ELMO1: variants seen among roughly 807,000 people sequenced by gnomAD.
The protein encoded by ELMO1 is engulfment and cell motility protein 1.
In ELMO1, 26 loss-of-function variants were observed where a neutral mutation model predicts 98.9. The observed-to-expected ratio is 0.26, with a 90% CI of 0.19 to 0.36. The LOEUF (loss-of-function observed/expected upper bound fraction) is 0.36. Among genes scored for constraint, ELMO1 ranks in the 10% least tolerant of loss-of-function variants. ELMO1 has a pLI of 1.00. For synonymous variants in ELMO1, 346 were observed against 346.0 expected, an observed-to-expected ratio of 1.00 and a Z score of 0.00; for missense variants, 627 against 935.2, an observed-to-expected ratio of 0.67 and a Z score of 4.30.
At chr7:36,888,507 C>T (rs1463664635) in intron 17 of ELMO1, among the ~76,000 whole-genome samples, 1 of 152,172 alleles carries the variant, frequency 6.6e-6, no homozygotes, top group African/African-American at 2.4e-5. Context: ...CATAGATCTA[C>T]AAGTCAGAAG....
At chr7:37,219,042 C>T (rs954007915) in intron 10 of ELMO1, among the ~76,000 whole-genome samples, 10 of 152,184 alleles carry the variant, frequency 6.6e-5, no homozygotes, top group South Asian at 2.1e-4. Flanking sequence ...TCCATTTGCC[C>T]GCCTAACAGC....
chr7:37,419,685 A>T (rs1425064825), intron 1 of ELMO1: 1 of 153,080 alleles, frequency 6.5e-6, no homozygotes, highest in Non-Finnish European at 1.5e-5. Flanking sequence ...GAGAAAGAGG[A>T]AGCAGAGTAA....
chr7:37,273,898 A>G (rs964816874), intron 4 of ELMO1, among the ~76,000 whole-genome samples: 1 of 152,128 alleles, frequency 6.6e-6, no homozygotes, highest in Non-Finnish European at 1.5e-5. Flanking sequence ...TGGACAATGA[A>G]TTTTCTAAAA....
chr7:37,346,160 A>T (rs1424665025), intron 1 of ELMO1, among the ~76,000 whole-genome samples: 3 of 152,164 alleles, frequency 2.0e-5, no homozygotes, highest in Admixed American at 1.3e-4. Context: ...GTGCAAGAAC[A>T]GTAAGTGAAT....
chr7:36,970,901 G>A (rs887271888), intron 16 of ELMO1, among the ~76,000 whole-genome samples: 1 of 152,168 alleles, frequency 6.6e-6, no homozygotes, highest in Non-Finnish European at 1.5e-5. Context: ...CTCACATGAG[G>A]GAGACATGAG....
At chr7:37,379,174 G>A (rs1442362410) in intron 1 of ELMO1, among the ~76,000 whole-genome samples, 1 of 151,978 alleles carries the variant, frequency 6.6e-6, no homozygotes, top group Admixed American at 6.6e-5. Context: ...CAAGTAGCTG[G>A]GACTACAGGC....
intron 14 of ELMO1, among the ~76,000 whole-genome samples, chr7:37,129,163 G>A (rs985224581): frequency 2.6e-5 from 4 of 152,004 alleles, no homozygotes; most frequent in African/African-American, 9.7e-5. Context: ...GTGGTGGGGG[G>A]ATGGAAAGAG....
chr7:37,286,460 T>C (rs944905782), intron 4 of ELMO1, among the ~76,000 whole-genome samples: 1 of 152,236 alleles, frequency 6.6e-6, no homozygotes, highest in Non-Finnish European at 1.5e-5. Flanking sequence ...AGACAACGTC[T>C]TGGGGCCTCC....
At chr7:36,898,775 G>A (rs1453931679) in intron 16 of ELMO1, among the ~76,000 whole-genome samples, 1 of 152,172 alleles carries the variant, frequency 6.6e-6, no homozygotes, top group Non-Finnish European at 1.5e-5. Context: ...AATGTTTTGT[G>A]AGCACCTACT....
intron 1 of ELMO1, among the ~76,000 whole-genome samples, chr7:37,370,167 T>C (rs1562647972): frequency 6.6e-6 from 1 of 152,240 alleles, no homozygotes; most frequent in Admixed American, 6.5e-5. Flanking sequence ...GTTATCTGCA[T>C]AATAAGACCT....
intron 20 of ELMO1, among the ~76,000 whole-genome samples, chr7:36,868,996 T>C (rs1001086839): frequency 6.6e-6 from 1 of 152,150 alleles, no homozygotes; most frequent in Non-Finnish European, 1.5e-5. Context: ...CCGGCTAGTG[T>C]TGAAGAAAGT....
chr7:37,375,537 A>C (rs913337865), intron 1 of ELMO1: 2 of 1,014,394 alleles, frequency 2.0e-6, no homozygotes, highest in Non-Finnish European at 3.1e-6. Flanking sequence ...GATGCCTAAG[A>C]AGAACCAGAT....
chr7:37,000,304 C>A (rs576271568), intron 16 of ELMO1, among the ~76,000 whole-genome samples: 2 of 152,194 alleles, frequency 1.3e-5, no homozygotes, highest in Non-Finnish European at 2.9e-5. Context: ...AAATGGAAAT[C>A]TGGCATTATA....
intron 15 of ELMO1, among the ~76,000 whole-genome samples, chr7:37,048,967 TA>T (rs1795950453): frequency 1.3e-5 from 2 of 152,154 alleles, no homozygotes; most frequent in Admixed American, 1.3e-4. Context: ...CCAATGAGTT[TA>T]GGGGAAGTGA....
At position 37,302,063 on chromosome 7, in the gene ELMO1, A is replaced by G. The variant is rs139917638; in HGVS notation, c.192+12787T>C. Reference sequence around the variant, plus strand: ...ACTTTTCCCTGAAAGAGAAATGTAAAGAAATGATGGGTGGTTTAATTAAAA... The same window carrying G: ...ACTTTTCCCTGAAAGAGAAATGTAAGGAAATGATGGGTGGTTTAATTAAAA... On this transcript the variant is annotated intron_variant, in intron 4 of 21. Transcript: ENST00000310758. 1.7e-3 allele frequency among the ~76,000 whole-genome samples: 259 copies of G among 152,366 alleles called. 2 individuals are homozygous for G. Among genetic ancestry groups the G allele is most frequent in the African/African-American group, 6.0e-3 (248 of 41,588 alleles).
intron 16 of ELMO1, among the ~76,000 whole-genome samples, chr7:36,905,946 C>T (rs1783928113): frequency 6.6e-6 from 1 of 152,228 alleles, no homozygotes; most frequent in African/African-American, 2.4e-5. Flanking sequence ...TTAGAACTGC[C>T]AGCCTGTTTT....
intron 16 of ELMO1, among the ~76,000 whole-genome samples, chr7:37,004,066 A>ATT (rs34475287): frequency 7.9e-5 from 12 of 151,876 alleles, no homozygotes; most frequent in Non-Finnish European, 1.2e-4. Flanking sequence ...CAAGATAAAT[A>ATT]TTTTTTTTAA....
chr7:37,384,016 C>T (rs1057314281), intron 1 of ELMO1, among the ~76,000 whole-genome samples: 2 of 152,146 alleles, frequency 1.3e-5, no homozygotes, highest in African/African-American at 4.8e-5. Flanking sequence ...GGGGTTTCAC[C>T]GTGTTAGCCA....
intron 17 of ELMO1, 23 bp from the exon 18 acceptor site, chr7:36,887,695 T>C: frequency 6.2e-7 from 1 of 1,608,612 alleles, no homozygotes; most frequent in Non-Finnish European, 8.5e-7. Context: ...AAACACATAT[T>C]CCACAGCATG....
Sources: gnomAD v4.1 joint callset for allele counts (sites outside exome capture counted in the v4.1 genomes callset) on GRCh38, gnomAD v4.1.1 for gene constraint, MANE v1.5 for transcripts, NCBI Gene and HGNC (gene_info 2026-07-23, HGNC 2026-07-21) for gene names.